UST: variants seen among roughly 807,000 people sequenced by gnomAD.
UST encodes chondroitin sulfate 2-O-sulfotransferase.
Under a neutral mutation model 45.6 loss-of-function variants are expected in UST, and 21 were observed. That is an observed-to-expected ratio of 0.46 (90% CI 0.33 to 0.66). The LOEUF (loss-of-function observed/expected upper bound fraction) is 0.66, where lower values mean the gene tolerates loss of function less well. Ranked by LOEUF, UST falls within the 30% of genes least tolerant of loss-of-function variation. The probability of loss-of-function intolerance (pLI) is 0.02; values close to 1 mark genes in which losing one functional copy is unlikely to be tolerated. For synonymous variants in UST, 215 were observed against 200.6 expected (o/e 1.07, Z -0.61); for missense variants, 463 against 512.4 (o/e 0.90, Z 0.93).
chr6:148,897,879 T>A (rs1779166917), intron 2 of UST, among the ~76,000 whole-genome samples: 1 of 152,208 alleles, frequency 6.6e-6, no homozygotes, highest in South Asian at 2.1e-4. Context: ...CTTGTAGGTA[T>A]CCCCGCTTTG....
intron 5 of UST, 51 bp downstream of exon 5, chr6:148,964,614 G>A: frequency 6.2e-7 from 1 of 1,601,044 alleles, no homozygotes; most frequent in East Asian, 2.2e-5. Context: ...TGAGGAGTGG[G>A]CCCTCCACCA....
In UST at chr6:148,898,145, A is replaced by C. The variant is rs573602820; in HGVS notation, c.291+11116A>C. Among the ~76,000 whole-genome samples the C allele has an allele frequency of 1.4e-3, 206 of 152,370 alleles. 1 individual carries two copies. The highest frequency in any genetic ancestry group is 4.8e-3 in the African/African-American group (198 of 41,584). ...TTTAGAGAAAGAGAGACCTAGCAAG[A>C]CAGAATGAGGCTGGGAGTTAGGAAT... On this transcript the variant is annotated intron_variant, in intron 2 of 7. Coordinates refer to ENST00000367463, the MANE Select transcript of UST (RefSeq NM_005715.3).
chr6:149,047,363 G>C (rs1375595129), intron 7 of UST, among the ~76,000 whole-genome samples: 4 of 152,172 alleles, frequency 2.6e-5, no homozygotes. Context: ...TGCAATTATA[G>C]TCTTTATGTC....
chr6:148,955,368 C>G (rs900666881), intron 4 of UST, among the ~76,000 whole-genome samples: 1 of 152,226 alleles, frequency 6.6e-6, no homozygotes, highest in Non-Finnish European at 1.5e-5. Context: ...GAATGAGATT[C>G]AGTAAAGCAA....
intron 1 of UST, among the ~76,000 whole-genome samples, chr6:148,874,545 G>A (rs1171146516): frequency 6.6e-6 from 1 of 152,128 alleles, no homozygotes; most frequent in Non-Finnish European, 1.5e-5. Flanking sequence ...AGTACTTTTC[G>A]GGATATGTTT....
Position 149,070,766 on chromosome 6 carries a change from T to C in UST, c.938-3067T>C, listed in dbSNP as rs117489375. Among the ~76,000 whole-genome samples, 20 of 151,466 alleles carry C rather than the reference T, an allele frequency of 1.3e-4. 1 individual carries two copies. The East Asian group carries it at 3.3e-3, about 25-fold the overall frequency. On this transcript the variant is annotated intron_variant, in intron 7 of 7. Coordinates refer to ENST00000367463, the MANE Select transcript of UST (RefSeq NM_005715.3). ...TCCAGTTATGCTCTTTTAGTTATTT[T>C]ATTATTATTATTATTAATTTTAGAC...
At chr6:148,891,815 G>C (rs1779023682) in intron 2 of UST, among the ~76,000 whole-genome samples, 1 of 152,116 alleles carries the variant, frequency 6.6e-6, no homozygotes, top group South Asian at 2.1e-4. Flanking sequence ...TGGGTTCAAA[G>C]GACACTTAAT....
intron 1 of UST, among the ~76,000 whole-genome samples, chr6:148,834,837 A>C (rs1029586845): frequency 2.0e-5 from 3 of 152,194 alleles, no homozygotes; most frequent in Admixed American, 6.5e-5. Context: ...AGACCCTGCT[A>C]TCATGGCATC....
Position 148,792,121 on chromosome 6 carries a change from GTCTC to G in UST, c.247+44450_247+44453del, listed in dbSNP as rs1222338973. The stretch of plus-strand genomic sequence containing the variant: ...AGGTAGCTCAAAGGATGAGATGGAT[GTCTC>G]TCTCTGCTTCTTTCCAATCTTATGG... On this transcript the variant is annotated intron_variant, in intron 1 of 7. Transcript: ENST00000367463. 2.6e-5 allele frequency among the ~76,000 whole-genome samples: 4 copies of G among 152,248 alleles called. No individual in the cohort carries two copies. In the East Asian group the frequency reaches 7.7e-4, roughly 29 times the overall value.
At chr6:148,951,492 C>G (rs1289325710) in intron 3 of UST, among the ~76,000 whole-genome samples, 1 of 152,084 alleles carries the variant, frequency 6.6e-6, no homozygotes, top group Non-Finnish European at 1.5e-5. Flanking sequence ...GACTAAAGGC[C>G]AGGAGTGGTC....
chr6:148,882,189 A>G (rs1778834359), intron 1 of UST, among the ~76,000 whole-genome samples: 1 of 152,080 alleles, frequency 6.6e-6, no homozygotes, highest in Non-Finnish European at 1.5e-5. Context: ...CATTAAAGAG[A>G]GTTGTCTCAT....
intron 1 of UST, among the ~76,000 whole-genome samples, chr6:148,808,562 T>C (rs2114726838): frequency 6.6e-6 from 1 of 152,018 alleles, no homozygotes; most frequent in Admixed American, 6.5e-5. Context: ...GGGTCAGGTG[T>C]GGAATGTGGG....
intron 1 of UST, among the ~76,000 whole-genome samples, chr6:148,884,047 C>T (rs549244509): frequency 1.5e-4 from 22 of 151,442 alleles, no homozygotes; most frequent in Non-Finnish European, 1.6e-4. Flanking sequence ...GCAGGAGAAT[C>T]GCTTGAACCC....
intron 1 of UST, among the ~76,000 whole-genome samples, chr6:148,759,502 G>A (rs1216429038): frequency 1.3e-5 from 2 of 151,302 alleles, no homozygotes; most frequent in Non-Finnish European, 2.9e-5. Context: ...ACTCCAGCCC[G>A]GGCGACAGAG....
chr6:148,816,441 A>G (rs1777356406), intron 1 of UST, among the ~76,000 whole-genome samples: 1 of 152,246 alleles, frequency 6.6e-6, no homozygotes, highest in South Asian at 2.1e-4. Context: ...CATGTTACTG[A>G]AAGGAGAGAC....
chr6:148,890,160 G>T (rs1325725347), intron 2 of UST, among the ~76,000 whole-genome samples: 1 of 152,178 alleles, frequency 6.6e-6, no homozygotes, highest in Non-Finnish European at 1.5e-5. Context: ...GCCATAAGAA[G>T]AAGAATATAA....
At chr6:148,978,537 C>T (rs1015721304) in intron 5 of UST, among the ~76,000 whole-genome samples, 1 of 152,134 alleles carries the variant, frequency 6.6e-6, no homozygotes, top group African/African-American at 2.4e-5. Flanking sequence ...ATGGATGAAG[C>T]TGGAAACCAT....
intron 1 of UST, among the ~76,000 whole-genome samples, chr6:148,759,527 AAAAT>A (rs541749652): frequency 5.3e-5 from 8 of 149,698 alleles, no homozygotes; most frequent in Admixed American, 1.3e-4. Context: ...ACTCCATCCC[AAAAT>A]AAATAAATAA....
intron 2 of UST, among the ~76,000 whole-genome samples, chr6:148,918,849 G>C (rs1234333223): frequency 6.6e-6 from 1 of 151,900 alleles, no homozygotes; most frequent in African/African-American, 2.4e-5. Context: ...TTTTTAATTT[G>C]TGCATTTTTG....
Sources: gnomAD v4.1 joint callset for allele counts (sites outside exome capture counted in the v4.1 genomes callset) on GRCh38, gnomAD v4.1.1 for gene constraint, MANE v1.5 for transcripts, NCBI Gene and HGNC (gene_info 2026-07-23, HGNC 2026-07-21) for gene names.